Variants in TMED3 observed in about 807,000 individuals in gnomAD.
The protein encoded by TMED3 is transmembrane emp24 domain-containing protein 3.
TMED3 carries 9 observed loss-of-function variants against 15.0 expected under a neutral mutation model. That is an observed-to-expected ratio of 0.60 (90% CI 0.36 to 1.04). TMED3 has a LOEUF of 1.04. Ranked by LOEUF, TMED3 falls within the 50% of genes least tolerant of loss-of-function variation. The pLI, the probability that TMED3 is intolerant of heterozygous loss-of-function variation, is 0.01. For synonymous variants in TMED3, 117 were observed against 121.4 expected, an observed-to-expected ratio of 0.96 and a Z score of 0.24; for missense variants, 267 against 278.9, an observed-to-expected ratio of 0.96 and a Z score of 0.30.
intron 2 of TMED3, among the ~76,000 whole-genome samples, chr15:79,380,808 C>G (rs1893520740): frequency 6.6e-6 from 1 of 152,012 alleles, no homozygotes; most frequent in African/African-American, 2.4e-5. Flanking sequence ...GAAATATCTC[C>G]CAGACCTGCA....
chr15:79,412,651 A>T (rs1292989199), exon 3 of TMED3: 1 of 152,604 alleles, frequency 6.6e-6, no homozygotes, highest in African/African-American at 2.4e-5. Flanking sequence ...TGCTGCTGCC[A>T]ATGCCCACAT....
rs540891791 is a variant in TMED3 at position 79,411,547 on chromosome 15, A to T, written c.*43A>T. 16 of 699,932 alleles carry T rather than the reference A, an allele frequency of 2.3e-5. No homozygotes were observed. In the African/African-American group the frequency reaches 2.8e-4, roughly 12 times the overall value. 43.4% of individuals were successfully genotyped at this position (699,932 alleles called of 1,614,324 possible). On this transcript the variant is annotated 3_prime_UTR_variant, in exon 3 of 3. Transcript: ENST00000424155. Reference sequence around the variant, plus strand: ...GGCACTGAGAGTGGATGGAGGGAAGACACAGAAGCTACGCTGAAGTGGGAG... The same window carrying T: ...GGCACTGAGAGTGGATGGAGGGAAGTCACAGAAGCTACGCTGAAGTGGGAG...
In TMED3 at chr15:79,404,915, C is replaced by G. The variant is rs138929957; in HGVS notation, c.418-6485C>G. Among the ~76,000 whole-genome samples, 5 of 152,310 alleles carry G rather than the reference C, an allele frequency of 3.3e-5. No homozygotes were observed. In the East Asian group the frequency reaches 9.7e-4, roughly 29 times the overall value. On this transcript the variant is annotated intron_variant, in intron 2 of 2. Transcript: ENST00000424155. Reference sequence around the variant, plus strand: ...GAAGTAAGCCTCAGTTTTTCCTCCTCTATCTGTTAATCATAGGGACCCCTC... The same window carrying G: ...GAAGTAAGCCTCAGTTTTTCCTCCTGTATCTGTTAATCATAGGGACCCCTC...
At chr15:79,321,907 C>T in intron 2 of TMED3, 71 bp from the exon 3 acceptor site, 1 of 1,549,632 alleles carries the variant, frequency 6.5e-7, no homozygotes, top group Non-Finnish European at 8.8e-7. Context: ...TTGACAACAG[C>T]ATTTGCTGTT....
rs1050090530 is a variant in TMED3 at position 79,322,522 on chromosome 15, A to G, written c.*308A>G. 6 of 1,176,292 alleles carry G rather than the reference A, an allele frequency of 5.1e-6. No individual in the cohort carries two copies. The highest frequency in any genetic ancestry group is 5.3e-6 in the Non-Finnish European group (5 of 949,288). The allele number at this position is 1,176,292 out of a possible 1,614,324, so 72.9% of individuals were successfully genotyped here. On this transcript the variant is annotated 3_prime_UTR_variant, in exon 3 of 3. Transcript: ENST00000299705. ...TTCAGTGGCCTGGCTGTTGGCAGGA[A>G]CTCCAAGTGCCCAGGCCTCTTGGGC...
At chr15:79,366,092 G>C (rs889350330) in intron 2 of TMED3, among the ~76,000 whole-genome samples, 1 of 152,172 alleles carries the variant, frequency 6.6e-6, no homozygotes, top group Non-Finnish European at 1.5e-5. Flanking sequence ...ATAAGCTATA[G>C]GTCTGCCTTT....
At chr15:79,380,009 A>T (rs866682886) in intron 2 of TMED3, among the ~76,000 whole-genome samples, 24 of 152,178 alleles carry the variant, frequency 1.6e-4, no homozygotes, top group African/African-American at 5.8e-4. Context: ...TACACTGGAG[A>T]ATTCTGGTAG....
At chr15:79,372,961 T>G (rs1893367683) in intron 2 of TMED3, among the ~76,000 whole-genome samples, 1 of 152,224 alleles carries the variant, frequency 6.6e-6, no homozygotes, top group Admixed American at 6.5e-5. Context: ...CTGATCAGCT[T>G]TAAATAACGG....
intron 2 of TMED3, among the ~76,000 whole-genome samples, chr15:79,351,680 A>G (rs1423827351): frequency 6.6e-6 from 1 of 152,286 alleles, no homozygotes; most frequent in East Asian, 1.9e-4. Flanking sequence ...TCCTTAAAGA[A>G]CTATAAGTAG....
At chr15:79,340,247 G>A (rs1016210155) in intron 2 of TMED3, among the ~76,000 whole-genome samples, 1 of 152,192 alleles carries the variant, frequency 6.6e-6, no homozygotes, top group Non-Finnish European at 1.5e-5. Flanking sequence ...CAAGGATTGG[G>A]CAGGCACAAG....
chr15:79,312,083 G>A (rs2058718107), intron 1 of TMED3, among the ~76,000 whole-genome samples: 1 of 152,234 alleles, frequency 6.6e-6, no homozygotes, highest in Non-Finnish European at 1.5e-5. Flanking sequence ...CAGGTCTTGA[G>A]TGAGTAGTCT....
chr15:79,313,732 A>G, intron 1 of TMED3, 25 bp from the exon 2 acceptor site: 2 of 1,603,630 alleles, frequency 1.2e-6, no homozygotes, highest in Non-Finnish European at 1.7e-6. Flanking sequence ...TCCTTTGATA[A>G]CAGCAATTTT....
chr15:79,314,459 A>G (rs2058732018), intron 2 of TMED3: 4 of 435,240 alleles, frequency 9.2e-6, no homozygotes, highest in South Asian at 6.4e-5. Context: ...AATCTAGAAA[A>G]GGTTGGTGGG....
chr15:79,360,598 A>T (rs1893105852), intron 2 of TMED3, among the ~76,000 whole-genome samples: 1 of 152,208 alleles, frequency 6.6e-6, no homozygotes. Flanking sequence ...TAAAACAGAC[A>T]TCTTTACATA....
Position 79,380,148 on chromosome 15 carries a change from C to T in TMED3, c.418-31252C>T, listed in dbSNP as rs190099270. Among the ~76,000 whole-genome samples the T allele has an allele frequency of 9.0e-4, 137 of 152,044 alleles. 3 individuals are homozygous for T. The highest frequency in any genetic ancestry group is 7.7e-3 in the Admixed American group (117 of 15,266). On this transcript the variant is annotated intron_variant, in intron 2 of 2. Transcript: ENST00000424155. ...GGGCCGGATCACGAGGTCAGGAGTT[C>T]GAGACCAGCCTGACCAACATGGTGA...
At chr15:79,370,321 C>T (rs1471807774) in intron 2 of TMED3, among the ~76,000 whole-genome samples, 1 of 137,092 alleles carries the variant, frequency 7.3e-6, no homozygotes, top group Non-Finnish European at 1.5e-5. Context: ...AAAGCTTGGA[C>T]TCTGGCTCCA....
Position 79,311,177 on chromosome 15 carries a change from C to G in TMED3, c.-73C>G. The G allele has an allele frequency of 6.7e-7, 1 of 1,484,690 alleles. No individual in the cohort carries two copies. Among genetic ancestry groups the G allele is most frequent in the African/African-American group, 1.4e-5 (1 of 71,070 alleles). The allele number at this position is 1,484,690 out of a possible 1,614,324, so 92.0% of individuals were successfully genotyped here. On this transcript the variant is annotated 5_prime_UTR_variant, in exon 1 of 3. Transcript: ENST00000299705. ...CCCTTACATCCTCCTAGGACCCGGT[C>G]GGTAGTCGTCGCCCCAGCCCGCCGG...
At chr15:79,391,536 G>A (rs1331997896) in intron 2 of TMED3, among the ~76,000 whole-genome samples, 1 of 152,100 alleles carries the variant, frequency 6.6e-6, no homozygotes, top group African/African-American at 2.4e-5. Context: ...TGAATAGAAT[G>A]TGTATTCTGT....
intron 2 of TMED3, among the ~76,000 whole-genome samples, chr15:79,387,030 C>T (rs1366774522): frequency 6.7e-6 from 1 of 149,906 alleles, no homozygotes; most frequent in South Asian, 2.1e-4. Flanking sequence ...TGGGCTCAAG[C>T]GATTCTCATG....
Sources: allele counts gnomAD v4.1 joint callset (sites outside exome capture counted in the v4.1 genomes callset), GRCh38; gene constraint gnomAD v4.1.1; transcripts MANE v1.5; gene names NCBI Gene and HGNC (gene_info 2026-07-23, HGNC 2026-07-21).